Variants in SLCO1B1 observed in about 807,000 individuals in gnomAD.
SLCO1B1 encodes the protein solute carrier organic anion transporter family member 1B1, also known as OATP-2.
A neutral mutation model predicts 70.1 loss-of-function variants in SLCO1B1; 81 were observed. The ratio of observed to expected loss-of-function variants is 1.16; its 90% CI spans 0.97 to 1.39. The LOEUF is 1.39. Ranked by LOEUF, SLCO1B1 falls within the 40% of genes most tolerant of loss-of-function variation. The pLI, the probability that SLCO1B1 is intolerant of heterozygous loss-of-function variation, is 0.00. For missense variants in SLCO1B1, 895 were observed against 799.6 expected, an observed-to-expected ratio of 1.12 and a Z score of -1.44; for synonymous variants, 283 against 271.5, an observed-to-expected ratio of 1.04 and a Z score of -0.42.
In SLCO1B1 at chr12:21,187,356, G is replaced by A. The variant is rs143644662; in HGVS notation, c.727+8336G>A. On this transcript the variant is annotated intron_variant, in intron 7 of 14. Transcript: ENST00000256958. ...CTTTTTCAGAATTGTTTCCATCAAT[G>A]CCTTGTTCCTGAAGACAGGAAGTAG... is the stretch of plus-strand genomic sequence containing the variant. Among the ~76,000 whole-genome samples the A allele has an allele frequency of 3.1e-3, 466 of 152,182 alleles. 4 individuals are homozygous for A. The highest frequency in any genetic ancestry group is 4.0e-3 in the Admixed American group (61 of 15,278).
intron 12 of SLCO1B1, among the ~76,000 whole-genome samples, chr12:21,217,774 T>G (rs1941377626): frequency 6.6e-6 from 1 of 152,142 alleles, no homozygotes; most frequent in South Asian, 2.1e-4. Flanking sequence ...TATAATACCC[T>G]TGTAGAAAAA....
chr12:21,208,695 A>G (rs1941242657), intron 11 of SLCO1B1, among the ~76,000 whole-genome samples: 1 of 152,098 alleles, frequency 6.6e-6, no homozygotes, highest in Non-Finnish European at 1.5e-5. Flanking sequence ...AATACCATTG[A>G]ATCTGTAGAT....
intron 10 of SLCO1B1, among the ~76,000 whole-genome samples, chr12:21,204,264 A>T (rs1039294082): frequency 6.6e-6 from 1 of 151,856 alleles, no homozygotes; most frequent in Admixed American, 6.6e-5. Flanking sequence ...CTAAGACATT[A>T]TTTGCCTTTT....
intron 14 of SLCO1B1, among the ~76,000 whole-genome samples, chr12:21,228,201 T>A (rs1022823735): frequency 3.3e-5 from 5 of 152,196 alleles, no homozygotes; most frequent in Non-Finnish European, 7.4e-5. Context: ...TTCCTTCTGA[T>A]TAAAGTCGAT....
chr12:21,225,062 G>C (rs1167777541), intron 14 of SLCO1B1, among the ~76,000 whole-genome samples: 1 of 152,062 alleles, frequency 6.6e-6, no homozygotes, highest in Non-Finnish European at 1.5e-5. Context: ...CGAAGAAACT[G>C]TGATTCAAGG....
chr12:21,185,026 A>G (rs947651702), intron 7 of SLCO1B1, among the ~76,000 whole-genome samples: 13 of 152,180 alleles, frequency 8.5e-5, no homozygotes, highest in African/African-American at 2.9e-4. Flanking sequence ...AGGGTATTAC[A>G]TAAGGATAAA....
chr12:21,185,143 A>T (rs751484130), intron 7 of SLCO1B1, among the ~76,000 whole-genome samples: 1 of 152,102 alleles, frequency 6.6e-6, no homozygotes. Flanking sequence ...GAAACTAAAA[A>T]CAGACAGCCA....
intron 7 of SLCO1B1, among the ~76,000 whole-genome samples, chr12:21,194,852 C>A (rs1365999942): frequency 1.3e-5 from 2 of 152,198 alleles, no homozygotes; most frequent in African/African-American, 4.8e-5. Context: ...CTGGCATTAT[C>A]TCAGATTCTG....
At chr12:21,168,514 A>G (rs1025438112) in intron 2 of SLCO1B1, among the ~76,000 whole-genome samples, 8 of 152,180 alleles carry the variant, frequency 5.3e-5, no homozygotes, top group South Asian at 2.1e-4. Context: ...TTATATTTCC[A>G]TCAACAAACA....
At position 21,176,869 on chromosome 12, in the gene SLCO1B1, T is replaced by C; in HGVS notation, c.453T>C (p.Asn151=). 1 of 1,562,390 alleles carries C rather than the reference T, an allele frequency of 6.4e-7. No individual in the cohort carries two copies. The highest frequency in any genetic ancestry group is 1.1e-5 in the South Asian group (1 of 90,530). The change falls in exon 5 of 15, where the codon AAT becomes AAC. Residue 151 remains asparagine, a synonymous_variant. Transcript: ENST00000256958. ...TCLINQILSL[N]RASPEIVGKG... is the part of the protein sequence containing the mutation. ...TAATTAATCAAATTTTATCACTCAA[T>C]AGAGCATCACCTGAGATAGTGGGAA...
intron 2 of SLCO1B1, among the ~76,000 whole-genome samples, chr12:21,163,783 C>T (rs567791756): frequency 6.6e-6 from 1 of 152,192 alleles, no homozygotes; most frequent in South Asian, 2.1e-4. Context: ...AGCTTCACCT[C>T]CTGATACCAT....
intron 7 of SLCO1B1, among the ~76,000 whole-genome samples, chr12:21,183,199 T>A (rs1940925791): frequency 6.6e-6 from 1 of 151,718 alleles, no homozygotes; most frequent in Non-Finnish European, 1.5e-5. Flanking sequence ...ATTTAAAACA[T>A]CTGCCTATAT....
intron 7 of SLCO1B1, 90 bp downstream of exon 7, chr12:21,179,110 C>A: frequency 1.2e-6 from 1 of 800,840 alleles, no homozygotes; most frequent in Non-Finnish European, 2.2e-6. Context: ...TTCACTCTTT[C>A]AATAGTCCTT....
chr12:21,146,770 C>T (rs1187695744), intron 2 of SLCO1B1, among the ~76,000 whole-genome samples: 4 of 152,034 alleles, frequency 2.6e-5, no homozygotes, highest in Non-Finnish European at 5.9e-5. Context: ...TATATTCTAG[C>T]TTAATTTCAT....
At chr12:21,191,417 T>C (rs1403912415) in intron 7 of SLCO1B1, among the ~76,000 whole-genome samples, 2 of 152,130 alleles carry the variant, frequency 1.3e-5, no homozygotes, top group African/African-American at 4.8e-5. Context: ...TAATGTCTTT[T>C]CAAATAGTAC....
At chr12:21,133,334 T>A in intron 1 of SLCO1B1, among the ~76,000 whole-genome samples, 1 of 152,178 alleles carries the variant, frequency 6.6e-6, no homozygotes, top group Non-Finnish European at 1.5e-5. Context: ...TGGTTCCATA[T>A]GAACTTTAAA....
At chr12:21,237,864 G>A (rs753814094) in intron 14 of SLCO1B1, among the ~76,000 whole-genome samples, 6 of 151,774 alleles carry the variant, frequency 4.0e-5, no homozygotes, top group East Asian at 3.9e-4. Context: ...ACAGGCACCC[G>A]CCACCACGCC....
Position 21,217,214 on chromosome 12 carries a change from A to C in SLCO1B1, c.1593A>C (p.Thr531=), listed in dbSNP as rs767184753. 24 of 1,613,672 alleles carry C rather than the reference A, an allele frequency of 1.5e-5. No individual in the cohort carries two copies. The highest frequency in any genetic ancestry group is 1.4e-4 in the South Asian group (13 of 91,090). ...AATGCCCAAGAGATGATGCTTGTAC[A>C]AGGAAATTTTACTTTTTTGTTGCAA... ...LGECPRDDAC[T]RKFYFFVAIQ... Residue 531 remains threonine (T), a synonymous_variant, in exon 12 of 15, where the codon ACA becomes ACC. Coordinates refer to ENST00000256958, the MANE Select transcript of SLCO1B1 (RefSeq NM_006446.5).
At chr12:21,208,782 G>A (rs893758098) in intron 11 of SLCO1B1, among the ~76,000 whole-genome samples, 1 of 151,950 alleles carries the variant, frequency 6.6e-6, no homozygotes, top group Non-Finnish European at 1.5e-5. Context: ...CCACTTGTTT[G>A]TGTCACCTAT....
Sources: allele counts gnomAD v4.1 joint callset (sites outside exome capture counted in the v4.1 genomes callset), GRCh38; gene constraint gnomAD v4.1.1; transcripts MANE v1.5; gene names NCBI Gene and HGNC (gene_info 2026-07-23, HGNC 2026-07-21).